The following TKTL1 variants were observed in gnomAD, a reference collection of about 807,000 sequenced individuals.
TKTL1 encodes transketolase like 1, also known as transketolase-like protein 1.
TKTL1 carries 1 observed loss-of-function variant against 39.3 expected under a neutral mutation model. The ratio of observed to expected loss-of-function variants is 0.03; its 90% confidence interval spans 0.01 to 0.12. The LOEUF is 0.12. Among genes scored for constraint, TKTL1 ranks in the 10% least tolerant of loss-of-function variants. The pLI, the probability that TKTL1 is intolerant of heterozygous loss-of-function variation, is 1.00. For synonymous variants in TKTL1, 262 were observed against 193.8 expected, an observed-to-expected ratio of 1.35 and a Z score of -2.92; for missense variants, 575 against 509.6, an observed-to-expected ratio of 1.13 and a Z score of -1.24.
At chrX:154,322,677 A>T (rs782306468) in intron 8 of TKTL1, among the ~76,000 whole-genome samples, 15 of 111,666 alleles carry the variant, frequency 1.3e-4, no homozygotes, top group Non-Finnish European at 2.8e-4. Context: ...TTTCTCTTTC[A>T]CATTTCTGGT....
At chrX:154,305,103 A>G in intron 1 of TKTL1, 1 of 1,150,629 alleles carries the variant, frequency 8.7e-7, no homozygotes, top group Non-Finnish European at 1.2e-6. Context: ...AGCTGGCCTC[A>G]CTGTGCACAG....
Position 154,314,571 on chromosome X carries a change from G to GC in TKTL1, c.865-601dup, listed in dbSNP as rs782497590. 3.6e-5 allele frequency among the ~76,000 whole-genome samples: 4 copies of GC among 111,022 alleles called. No homozygotes were observed. In the South Asian group the frequency reaches 1.1e-3, roughly 31 times the overall value. ...GATGGAGTCTCGCTCAGTCACCCAG[G>GC]CTGGAGTGCAGTGGTGCAATCTCGG... On this transcript the variant is annotated intron_variant, in intron 6 of 12. Coordinates refer to ENST00000369915, the MANE Select transcript of TKTL1 (RefSeq NM_012253.4).
intron 5 of TKTL1, 25 bp from the exon 6 acceptor site, chrX:154,312,555 A>T (rs1256532820): frequency 8.4e-7 from 1 of 1,187,204 alleles, no homozygotes; most frequent in African/African-American, 1.8e-5. Flanking sequence ...TATGGAATGG[A>T]TGTCTTTTGT....
At chrX:154,314,098 T>C (rs2067378781) in intron 6 of TKTL1, among the ~76,000 whole-genome samples, 1 of 110,505 alleles carries the variant, frequency 9.0e-6, no homozygotes, top group Non-Finnish European at 1.9e-5. Context: ...TAGAAAAAAA[T>C]GGAGAAAATT....
At chrX:154,324,726 G>A (rs1385450667) in intron 9 of TKTL1, among the ~76,000 whole-genome samples, 4 of 111,516 alleles carry the variant, frequency 3.6e-5, no homozygotes, top group Admixed American at 9.5e-5. Flanking sequence ...GTTATGCCTC[G>A]GTGAAGACAC....
intron 1 of TKTL1, among the ~76,000 whole-genome samples, chrX:154,301,889 G>A (rs1294425304): frequency 2.8e-5 from 3 of 108,772 alleles, no homozygotes; most frequent in Non-Finnish European, 5.7e-5. Context: ...CACTGTGCCC[G>A]GCCTAAGTCC....
rs1557172343 is a variant in TKTL1 at position 154,327,935 on chromosome X, C to T, written c.1595C>T (p.Thr532Ile). 5.8e-6 allele frequency: 7 copies of T among 1,211,964 alleles called. No individual in the cohort carries two copies. Among genetic ancestry groups the T allele is most frequent in the South Asian group, 1.8e-5 (1 of 56,980 alleles). Residue 532 changes from threonine to isoleucine, a missense_variant, in exon 12 of 13, where the codon ACA becomes ATA. By Grantham distance (89) the Thr-to-Ile change is moderately conservative (BLOSUM62 -1). Transcript: ENST00000369915. ...AAAGCCACAGAGGGCCGGATCATTA[C>T]AGTGGAGGATCACTACCCGCAAGGT... ...SAKATEGRII[T>I]VEDHYPQGGI...
At chrX:154,308,565 G>C (rs1222860208) in intron 2 of TKTL1, among the ~76,000 whole-genome samples, 1 of 112,120 alleles carries the variant, frequency 8.9e-6, no homozygotes, top group Admixed American at 9.5e-5. Flanking sequence ...GGAGGCCACT[G>C]CAGTGACAGA....
chrX:154,318,761 C>T (rs1436865200), intron 7 of TKTL1, among the ~76,000 whole-genome samples: 1 of 103,585 alleles, frequency 9.7e-6, no homozygotes, highest in Non-Finnish European at 2.0e-5. Context: ...CATAGTGAGA[C>T]CTGGTCTGTA....
intron 10 of TKTL1, 174 bp from the exon 11 acceptor site, chrX:154,327,417 C>T (rs1557172183): frequency 1.8e-6 from 1 of 570,234 alleles, no homozygotes; most frequent in Admixed American, 2.2e-5. Flanking sequence ...GTGTAATTTC[C>T]TATCAAAAAG....
chrX:154,310,882 T>A lies in TKTL1; in HGVS notation c.397T>A (p.Ser133Thr). Reference sequence around the variant, plus strand: ...GAGTGATGGCGAGTCCTCAGAAGGCTCTGTCTGGGAGGCAATGGCCTTTGC... The same window carrying A: ...GAGTGATGGCGAGTCCTCAGAAGGCACTGTCTGGGAGGCAATGGCCTTTGC... The part of the protein sequence containing the change: ...LMSDGESSEG[S>T]VWEAMAFASY... The change falls in exon 4 of 13, where the codon TCT becomes ACT. Residue 133 changes from serine to threonine, a missense_variant. Physicochemically the swap from Ser to Thr is moderately conservative, Grantham distance 58 (BLOSUM62 1). Coordinates refer to ENST00000369915, the MANE Select transcript of TKTL1 (RefSeq NM_012253.4). 8.3e-7 allele frequency: 1 copy of A among 1,211,738 alleles called. No individual in the cohort carries two copies. Among genetic ancestry groups the A allele is most frequent in the Non-Finnish European group, 1.1e-6 (1 of 895,332 alleles).
chrX:154,327,325 A>C, intron 10 of TKTL1: 1 of 521,317 alleles, frequency 1.9e-6, no homozygotes, highest in Non-Finnish European at 3.6e-6. Context: ...ACTGGAGTCC[A>C]ATCTTTGCAT....
At chrX:154,325,781 C>A (rs978478122) in intron 10 of TKTL1, among the ~76,000 whole-genome samples, 1 of 111,907 alleles carries the variant, frequency 8.9e-6, no homozygotes, top group Non-Finnish European at 1.9e-5. Flanking sequence ...GCCAGGAATT[C>A]CAGAGCAGCC....
chrX:154,309,576 C>A, intron 3 of TKTL1, 134 bp downstream of exon 3: 1 of 546,373 alleles, frequency 1.8e-6, no homozygotes, highest in Non-Finnish European at 3.0e-6. Context: ...CCGTGGTGAC[C>A]CCTCTGGAAG....
At chrX:154,328,310 G>A (rs967980961) in intron 12 of TKTL1, among the ~76,000 whole-genome samples, 2 of 109,428 alleles carry the variant, frequency 1.8e-5, no homozygotes, top group African/African-American at 6.6e-5. Flanking sequence ...TTGGGAGGCC[G>A]AGGCAGGTAG....
rs782442128 is a variant in TKTL1, at chrX:154,310,833, C to T, written c.351-3C>T. On this transcript the variant is annotated splice_polypyrimidine_tract_variant and splice_region_variant and intron_variant, in intron 3 of 12. Coordinates refer to ENST00000369915, the MANE Select transcript of TKTL1 (RefSeq NM_012253.4). ...GTCCTAAACCTCTCTTGTCTTGCTC[C>T]AGCTACCGGGTGTTCTGCCTCATGA... 3.6e-5 allele frequency: 44 copies of T among 1,206,367 alleles called. No individual in the cohort carries two copies. The highest frequency in any genetic ancestry group is 4.6e-5 in the Non-Finnish European group (41 of 892,948).
intron 1 of TKTL1, among the ~76,000 whole-genome samples, chrX:154,298,250 T>C (rs2067246209): frequency 1.8e-5 from 2 of 110,876 alleles, no homozygotes; most frequent in African/African-American, 6.6e-5. Flanking sequence ...TCTTGCTCTT[T>C]CACCCAGGCT....
chrX:154,316,088 A>T (rs781942211), intron 7 of TKTL1, among the ~76,000 whole-genome samples: 1 of 111,510 alleles, frequency 9.0e-6, no homozygotes, highest in South Asian at 3.8e-4. Context: ...TTTAAAAAAA[A>T]TTTTTTTAGA....
Position 154,311,103 on chromosome X carries a change from G to C in TKTL1, c.543-8G>C, listed in dbSNP as rs1380800412. On this transcript the variant is annotated splice_polypyrimidine_tract_variant and splice_region_variant and intron_variant, in intron 4 of 12. Transcript: ENST00000369915. ...CTCTTGTAACCCAGCCTGCTCCTCT[G>C]TTGGCAGGTGGAACACTTATGTGGT... The C allele has an allele frequency of 5.8e-6, 7 of 1,210,252 alleles. No individual in the cohort carries two copies. The East Asian group carries it at 8.9e-5, about 15-fold the overall frequency.
Sources: gnomAD v4.1 joint callset for allele counts (sites outside exome capture counted in the v4.1 genomes callset) on GRCh38, gnomAD v4.1.1 for gene constraint, MANE v1.5 for transcripts, NCBI Gene and HGNC (gene_info 2026-07-23, HGNC 2026-07-21) for gene names.